The following LRRC4C variants were observed in gnomAD, a reference collection of about 807,000 sequenced individuals.
The protein encoded by LRRC4C is leucine-rich repeat-containing protein 4C.
Under a neutral mutation model 33.6 loss-of-function variants are expected in LRRC4C, and 5 were observed. That is an observed-to-expected ratio of 0.15 (90% CI 0.08 to 0.31). The LOEUF (loss-of-function observed/expected upper bound fraction) is 0.31. LRRC4C is among the 10% of genes least tolerant of loss of function. The pLI, the probability that LRRC4C is intolerant of heterozygous loss-of-function variation, is 1.00. For missense variants in LRRC4C, 560 were observed against 796.7 expected (o/e 0.70, Z 3.58); for synonymous variants, 329 against 302.0 (o/e 1.09, Z -0.93).
chr11:41,033,663 T>C (rs1856855857), intron 1 of LRRC4C, among the ~76,000 whole-genome samples: 1 of 152,062 alleles, frequency 6.6e-6, no homozygotes. Flanking sequence ...CAGAGTTGTT[T>C]TAAGACCCGG....
intron 1 of LRRC4C, among the ~76,000 whole-genome samples, chr11:41,230,221 G>A (rs1305489583): frequency 6.6e-6 from 1 of 151,980 alleles, no homozygotes; most frequent in Non-Finnish European, 1.5e-5. Flanking sequence ...TACATCCATT[G>A]TGAACCTGTT....
intron 3 of LRRC4C, among the ~76,000 whole-genome samples, chr11:40,508,752 G>A (rs935754520): frequency 6.6e-6 from 1 of 152,108 alleles, no homozygotes; most frequent in African/African-American, 2.4e-5. Context: ...GTCTTTCAAG[G>A]CTGCTGGGAT....
chr11:40,881,888 A>C (rs949931559), intron 2 of LRRC4C, among the ~76,000 whole-genome samples: 21 of 152,252 alleles, frequency 1.4e-4, no homozygotes, highest in African/African-American at 4.8e-4. Flanking sequence ...AACATGAGCA[A>C]GGCAGGTACT....
At chr11:41,282,463 A>T (rs1365208277) in intron 1 of LRRC4C, among the ~76,000 whole-genome samples, 1 of 152,218 alleles carries the variant, frequency 6.6e-6, no homozygotes, top group Admixed American at 6.5e-5. Flanking sequence ...CTTCATTATG[A>T]TGCCTGCACT....
intron 4 of LRRC4C, among the ~76,000 whole-genome samples, chr11:40,312,597 A>G (rs777819196): frequency 1.3e-5 from 2 of 152,182 alleles, no homozygotes; most frequent in Non-Finnish European, 2.9e-5. Context: ...AACCCTTCAT[A>G]GCACCAACCC....
At position 41,051,520 on chromosome 11, in the gene LRRC4C, CAAAAAAAAAAAAAAAAAAAA is replaced by C. The variant is rs530003573; in HGVS notation, c.-495-117817_-495-117798del. ...CTCAGTCCCTCCCAGGGTCTCAAGG[CAAAAAAAAAAAAAAAAAAAA>C]AAAAAAAAAAAAAGGAAAAATTAGT... On this transcript the variant is annotated intron_variant, in intron 1 of 6. Transcript: ENST00000528697. 1.0e-3 allele frequency among the ~76,000 whole-genome samples: 62 copies of C among 60,292 alleles called. 1 individual carries two copies. The highest frequency in any genetic ancestry group is 4.1e-3 in the African/African-American group (59 of 14,290). 39.6% of individuals were successfully genotyped at this position (60,292 alleles called of 152,430 possible).
chr11:41,229,041 T>A (rs1213938731), intron 1 of LRRC4C, among the ~76,000 whole-genome samples: 3 of 152,184 alleles, frequency 2.0e-5, no homozygotes, highest in African/African-American at 4.8e-5. Flanking sequence ...TGTTGCATTT[T>A]CTGACTTTTC....
chr11:40,448,658 A>G (rs961325925), intron 3 of LRRC4C, among the ~76,000 whole-genome samples: 2 of 152,266 alleles, frequency 1.3e-5, no homozygotes, highest in East Asian at 1.9e-4. Context: ...ATTAATGGGC[A>G]TTTGGGTTGG....
chr11:41,438,316 G>A (rs772539040), intron 1 of LRRC4C, among the ~76,000 whole-genome samples: 19 of 151,634 alleles, frequency 1.3e-4, no homozygotes, highest in Non-Finnish European at 1.8e-4. Flanking sequence ...AAAAGATCTC[G>A]GCTCTTAAAA....
intron 1 of LRRC4C, among the ~76,000 whole-genome samples, chr11:41,121,367 T>C (rs1413383461): frequency 1.3e-5 from 2 of 152,190 alleles, no homozygotes; most frequent in Non-Finnish European, 1.5e-5. Context: ...CAATACATAC[T>C]TGACATTATA....
At chr11:41,186,413 T>C (rs921424546) in intron 1 of LRRC4C, among the ~76,000 whole-genome samples, 3 of 152,130 alleles carry the variant, frequency 2.0e-5, no homozygotes, top group Non-Finnish European at 4.4e-5. Context: ...ATGTAAAATA[T>C]AACACTGTCT....
intron 3 of LRRC4C, among the ~76,000 whole-genome samples, chr11:40,610,366 C>A (rs2135878022): frequency 6.6e-6 from 1 of 151,680 alleles, no homozygotes; most frequent in East Asian, 1.9e-4. Flanking sequence ...AATAATATTA[C>A]CTCAAAATAA....
chr11:40,690,952 A>C (rs1945193809), intron 2 of LRRC4C, among the ~76,000 whole-genome samples: 1 of 152,072 alleles, frequency 6.6e-6, no homozygotes. Flanking sequence ...AGCAAGAAGC[A>C]GTGATGAATG....
At chr11:40,910,973 C>T (rs961837784) in intron 2 of LRRC4C, among the ~76,000 whole-genome samples, 1 of 152,226 alleles carries the variant, frequency 6.6e-6, no homozygotes, top group Non-Finnish European at 1.5e-5. Context: ...TGAGATCAAA[C>T]TGCAAGGCAG....
Position 40,778,387 on chromosome 11 carries a change from TCTTTAATATCA to T in LRRC4C, c.-406-130120_-406-130110del, listed in dbSNP as rs1195223468. ...ATAACAGTTTAGGACTTCGATGCTA[TCTTTAATATCA>T]CTTTACAGATGAGGAAACTGAAGTG... On this transcript the variant is annotated intron_variant, in intron 2 of 6. Coordinates refer to ENST00000528697, the MANE Select transcript of LRRC4C (RefSeq NM_001258419.2). Among the ~76,000 whole-genome samples the T allele has an allele frequency of 5.3e-5, 8 of 152,360 alleles. No homozygotes were observed. The South Asian group carries it at 1.7e-3, about 32-fold the overall frequency.
chr11:40,549,410 A>G (rs1957050871), intron 3 of LRRC4C, among the ~76,000 whole-genome samples: 1 of 152,162 alleles, frequency 6.6e-6, no homozygotes, highest in African/African-American at 2.4e-5. Context: ...AATAGGTCCT[A>G]TAGTAAATTT....
At chr11:40,872,179 TG>T (rs1486382837) in intron 2 of LRRC4C, among the ~76,000 whole-genome samples, 1 of 152,138 alleles carries the variant, frequency 6.6e-6, no homozygotes, top group Admixed American at 6.5e-5. Context: ...AAAGGGACAC[TG>T]TAGATACCCA....
intron 3 of LRRC4C, among the ~76,000 whole-genome samples, chr11:40,468,131 T>C (rs746519328): frequency 2.0e-4 from 31 of 152,212 alleles, no homozygotes; most frequent in Non-Finnish European, 3.8e-4. Context: ...AAATTCTTCA[T>C]ATTTATATAT....
chr11:40,267,580 T>C (rs1243207963), intron 4 of LRRC4C, among the ~76,000 whole-genome samples: 1 of 152,160 alleles, frequency 6.6e-6, no homozygotes, highest in Non-Finnish European at 1.5e-5. Flanking sequence ...CTTGATCTCC[T>C]GACCTCGTGA....
Sources: gnomAD v4.1 joint callset for allele counts (sites outside exome capture counted in the v4.1 genomes callset) on GRCh38, gnomAD v4.1.1 for gene constraint, MANE v1.5 for transcripts, NCBI Gene and HGNC (gene_info 2026-07-23, HGNC 2026-07-21) for gene names.